GSK3B: variants seen among roughly 807,000 people sequenced by gnomAD.
The protein encoded by GSK3B is glycogen synthase kinase-3 beta.
In GSK3B, 15 loss-of-function variants were observed where a neutral mutation model predicts 56.4. The ratio of observed to expected loss-of-function variants is 0.27; its 90% confidence interval spans 0.18 to 0.41. The LOEUF is 0.41. GSK3B is among the 10% of genes least tolerant of loss of function. The pLI, the probability that GSK3B is intolerant of heterozygous loss-of-function variation, is 1.00. For missense variants in GSK3B, 300 were observed against 513.4 expected (o/e 0.58, Z 4.02); for synonymous variants, 181 against 188.9 (o/e 0.96, Z 0.34).
chr3:119,933,508 C>A (rs2056966598), intron 3 of GSK3B, among the ~76,000 whole-genome samples: 1 of 152,142 alleles, frequency 6.6e-6, no homozygotes, highest in African/African-American at 2.4e-5. Context: ...ATCTGCATGC[C>A]ATTATCTTAT....
chr3:119,831,434 G>C (rs1036682365), intron 10 of GSK3B, among the ~76,000 whole-genome samples: 1 of 152,090 alleles, frequency 6.6e-6, no homozygotes, highest in Admixed American at 6.6e-5. Context: ...GAGGTGGGCG[G>C]ATCACAAAGT....
intron 10 of GSK3B, among the ~76,000 whole-genome samples, chr3:119,836,217 A>G (rs2055688029): frequency 6.6e-6 from 1 of 152,182 alleles, no homozygotes; most frequent in South Asian, 2.1e-4. Context: ...GAAATAGAAA[A>G]GCATAAACAA....
At chr3:120,046,605 TTTTA>T (rs568918957) in intron 1 of GSK3B, among the ~76,000 whole-genome samples, 26 of 152,046 alleles carry the variant, frequency 1.7e-4, no homozygotes, top group African/African-American at 5.6e-4. Context: ...TTTAATTTAA[TTTTA>T]TTTATTTATT....
chr3:119,838,373 T>TA (rs2055724907), intron 10 of GSK3B, among the ~76,000 whole-genome samples: 1 of 152,164 alleles, frequency 6.6e-6, no homozygotes, highest in Non-Finnish European at 1.5e-5. Flanking sequence ...GAGCCATGAT[T>TA]AACAATAATG....
chr3:119,856,481 CA>C (rs2056024912), intron 9 of GSK3B, among the ~76,000 whole-genome samples: 2 of 152,242 alleles, frequency 1.3e-5, no homozygotes, highest in South Asian at 4.2e-4. Flanking sequence ...CAAATAATCT[CA>C]GGCAAAACAA....
At chr3:119,939,654 T>C (rs1165056487) in intron 3 of GSK3B, among the ~76,000 whole-genome samples, 1 of 152,108 alleles carries the variant, frequency 6.6e-6, no homozygotes, top group Middle Eastern at 3.2e-3. Flanking sequence ...AGAGTTTAGA[T>C]AAGAAATAAT....
rs1029992897 is a variant in GSK3B at position 119,879,984 on chromosome 3, T to C, written c.814-3476A>G. On this transcript the variant is annotated intron_variant, in intron 7 of 10. Coordinates refer to ENST00000264235, the MANE Select transcript of GSK3B (RefSeq NM_001146156.2). ...ATTTCCTTTCTTTTGGGTATATACCTAGCAGTGTGATTGCTAGATGGTAGG... is the reference window on the plus strand; with the variant it reads ...ATTTCCTTTCTTTTGGGTATATACCCAGCAGTGTGATTGCTAGATGGTAGG... 2.0e-5 allele frequency among the ~76,000 whole-genome samples: 3 copies of C among 152,204 alleles called. No individual in the cohort carries two copies. In the East Asian group the frequency reaches 5.8e-4, roughly 29 times the overall value.
chr3:119,992,166 C>T (rs1576254291), intron 2 of GSK3B, among the ~76,000 whole-genome samples: 1 of 151,814 alleles, frequency 6.6e-6, no homozygotes, highest in Non-Finnish European at 1.5e-5. Flanking sequence ...TAGGAAAACA[C>T]CAAAAAGAAA....
chr3:120,032,699 C>T (rs1201492410), intron 1 of GSK3B, among the ~76,000 whole-genome samples: 1 of 121,546 alleles, frequency 8.2e-6, no homozygotes, highest in Non-Finnish European at 1.8e-5. Flanking sequence ...ACGTGGCTTG[C>T]AATATACTTT....
rs188046963 is a variant in GSK3B, at chr3:119,881,360, G to T, written c.814-4852C>A. ...TTTAACAAAGAGGATGTGGAAAAGG[G>T]GGCTGTGACTGGGATGGGGCAAAAG... On this transcript the variant is annotated intron_variant, in intron 7 of 10. Transcript: ENST00000264235. Among the ~76,000 whole-genome samples the T allele has an allele frequency of 1.9e-3, 290 of 152,212 alleles. 2 individuals are homozygous for T. The highest frequency in any genetic ancestry group is 3.9e-3 in the Admixed American group (59 of 15,294).
intron 1 of GSK3B, among the ~76,000 whole-genome samples, chr3:120,007,032 A>C (rs1270929024): frequency 6.6e-6 from 1 of 152,196 alleles, no homozygotes; most frequent in Non-Finnish European, 1.5e-5. Flanking sequence ...ACTAATAAAG[A>C]AGAAACGAGA....
At chr3:119,869,245 A>AAC (rs1559816093) in intron 8 of GSK3B, among the ~76,000 whole-genome samples, 83 of 149,548 alleles carry the variant, frequency 5.6e-4, no homozygotes, top group African/African-American at 2.0e-3. Flanking sequence ...AAAAAAAAAA[A>AAC]ACATATATTC....
At chr3:119,830,893 A>C (rs1469990255) in intron 10 of GSK3B, among the ~76,000 whole-genome samples, 1 of 152,248 alleles carries the variant, frequency 6.6e-6, no homozygotes, top group Admixed American at 6.5e-5. Flanking sequence ...TCTGGCATAC[A>C]GCAATTGTTC....
At chr3:119,879,362 T>C (rs546572491) in intron 7 of GSK3B, among the ~76,000 whole-genome samples, 1 of 152,146 alleles carries the variant, frequency 6.6e-6, no homozygotes, top group East Asian at 1.9e-4. Context: ...TTCTATTTTT[T>C]AGTAGAGATG....
chr3:119,920,611 C>T (rs2056830575), intron 4 of GSK3B, among the ~76,000 whole-genome samples: 1 of 152,098 alleles, frequency 6.6e-6, no homozygotes, highest in South Asian at 2.1e-4. Context: ...TAAAACTGAG[C>T]TGTGCTTAGA....
chr3:119,888,645 G>T (rs1271776427), intron 7 of GSK3B, among the ~76,000 whole-genome samples: 1 of 152,098 alleles, frequency 6.6e-6, no homozygotes, highest in East Asian at 1.9e-4. Flanking sequence ...AATTTTCAGG[G>T]AACTAGGGAA....
intron 2 of GSK3B, among the ~76,000 whole-genome samples, chr3:120,000,710 A>G (rs867917651): frequency 2.6e-5 from 4 of 151,840 alleles, no homozygotes; most frequent in Non-Finnish European, 2.9e-5. Context: ...CTGAGCTTCC[A>G]TGCATAGGCT....
intron 3 of GSK3B, among the ~76,000 whole-genome samples, chr3:119,934,789 A>T (rs999330683): frequency 6.6e-6 from 1 of 152,198 alleles, no homozygotes; most frequent in Non-Finnish European, 1.5e-5. Context: ...ATATGTTATT[A>T]CTAATTTACA....
At chr3:119,841,749 A>C (rs2055775146) in intron 10 of GSK3B, among the ~76,000 whole-genome samples, 1 of 152,210 alleles carries the variant, frequency 6.6e-6, no homozygotes, top group Admixed American at 6.5e-5. Context: ...TAAACTAATA[A>C]AGTTCAAATT....
Sources: allele counts gnomAD v4.1 joint callset (sites outside exome capture counted in the v4.1 genomes callset), GRCh38; gene constraint gnomAD v4.1.1; transcripts MANE v1.5; gene names NCBI Gene and HGNC (gene_info 2026-07-23, HGNC 2026-07-21).